SEMA5A: variants seen among roughly 807,000 people sequenced by gnomAD.
The protein encoded by SEMA5A is semaphorin 5A, also known as semaphorin-5A.
A neutral mutation model predicts 135.5 loss-of-function variants in SEMA5A; 55 were observed. That is an observed-to-expected ratio of 0.41 (90% CI 0.33 to 0.51). The LOEUF (loss-of-function observed/expected upper bound fraction) is 0.51, where lower values mean the gene tolerates loss of function less well. Among genes scored for constraint, SEMA5A ranks in the 20% least tolerant of loss-of-function variants. The pLI is 0.37. For missense variants in SEMA5A, 1,290 were observed against 1,419.9 expected, an observed-to-expected ratio of 0.91 and a Z score of 1.47; for synonymous variants, 580 against 546.5, an observed-to-expected ratio of 1.06 and a Z score of -0.85.
At chr5:9,524,873 T>C (rs936397896) in intron 1 of SEMA5A, among the ~76,000 whole-genome samples, 2 of 152,188 alleles carry the variant, frequency 1.3e-5, no homozygotes, top group African/African-American at 4.8e-5. Flanking sequence ...CACAGTCATA[T>C]ACTAACCATA....
chr5:9,182,042 A>G (rs1370452303), intron 11 of SEMA5A, among the ~76,000 whole-genome samples: 1 of 151,680 alleles, frequency 6.6e-6, no homozygotes, highest in African/African-American at 2.4e-5. Context: ...CTCTCCGCAC[A>G]TTGCACGTTT....
chr5:9,408,735 T>A (rs1002617182), intron 2 of SEMA5A, among the ~76,000 whole-genome samples: 1 of 152,148 alleles, frequency 6.6e-6, no homozygotes, highest in Non-Finnish European at 1.5e-5. Flanking sequence ...TTCACAGAAC[T>A]AAAATTTGAA....
intron 1 of SEMA5A, among the ~76,000 whole-genome samples, chr5:9,486,388 C>A (rs1033545752): frequency 6.6e-6 from 1 of 152,128 alleles, no homozygotes; most frequent in Non-Finnish European, 1.5e-5. Context: ...ACATGTATAC[C>A]TATGTAACGA....
At chr5:9,430,841 GT>G (rs1399801268) in intron 2 of SEMA5A, among the ~76,000 whole-genome samples, 1 of 151,108 alleles carries the variant, frequency 6.6e-6, no homozygotes, top group Non-Finnish European at 1.5e-5. Flanking sequence ...AGTTTTTTTT[GT>G]TTTTTGTTTT....
intron 5 of SEMA5A, among the ~76,000 whole-genome samples, chr5:9,258,640 C>T (rs933934229): frequency 3.3e-5 from 5 of 152,064 alleles, no homozygotes; most frequent in Admixed American, 6.6e-5. Context: ...CATTTTTCCT[C>T]ATTGCTTGCT....
intron 16 of SEMA5A, among the ~76,000 whole-genome samples, chr5:9,106,822 T>A (rs1288976037): frequency 1.3e-5 from 2 of 152,216 alleles, no homozygotes; most frequent in Non-Finnish European, 2.9e-5. Context: ...TACAGTTAGT[T>A]CAGGCTGATC....
chr5:9,431,504 G>A (rs1466274379), intron 2 of SEMA5A, among the ~76,000 whole-genome samples: 3 of 152,022 alleles, frequency 2.0e-5, no homozygotes, highest in South Asian at 2.1e-4. Flanking sequence ...TTGTGGCCTC[G>A]GAGGCTCAAA....
chr5:9,227,656 T>G (rs1403042073), intron 6 of SEMA5A, among the ~76,000 whole-genome samples: 1 of 151,024 alleles, frequency 6.6e-6, no homozygotes, highest in African/African-American at 2.4e-5. Flanking sequence ...GTTCATGCCA[T>G]TCTCCTGCCT....
chr5:9,205,547 G>A (rs1016476368), intron 8 of SEMA5A, among the ~76,000 whole-genome samples: 29 of 152,034 alleles, frequency 1.9e-4, no homozygotes, highest in Non-Finnish European at 1.5e-5. Flanking sequence ...ATGGCAGGTA[G>A]ACTGACCCAC....
chr5:9,516,623 T>G (rs1317628364), intron 1 of SEMA5A: 1 of 152,188 alleles, frequency 6.6e-6, no homozygotes, highest in Non-Finnish European at 1.5e-5. Context: ...GGGTTGACCA[T>G]TTACAAGGAG....
intron 16 of SEMA5A, among the ~76,000 whole-genome samples, chr5:9,095,335 G>A (rs527526488): frequency 1.5e-4 from 23 of 152,108 alleles, no homozygotes; most frequent in Middle Eastern, 3.4e-3. Flanking sequence ...ACCATGGCAC[G>A]TGTATACCTA....
rs147011968 is a variant in SEMA5A, at chr5:9,354,053, G to A, written c.125-16241C>T. Among the ~76,000 whole-genome samples, 353 of 151,472 alleles carry A rather than the reference G, an allele frequency of 2.3e-3. 2 individuals are homozygous for A. Among genetic ancestry groups the A allele is most frequent in the African/African-American group, 7.8e-3 (321 of 41,272 alleles). ...TCCAACAGAGGTGGATTTCTGCCAC[G>A]GCCCAGCAACCCCCAGAGAGCTCAG... is the stretch of plus-strand genomic sequence containing the variant. On this transcript the variant is annotated intron_variant, in intron 3 of 22. Transcript: ENST00000382496.
intron 5 of SEMA5A, among the ~76,000 whole-genome samples, chr5:9,314,423 A>G (rs567898513): frequency 1.3e-5 from 2 of 151,594 alleles, no homozygotes; most frequent in South Asian, 4.2e-4. Context: ...CAATGATTCT[A>G]TGCTGAAATT....
In SEMA5A at chr5:9,039,045, A is replaced by C. The variant is rs1735813769; in HGVS notation, c.*3852T>G. On this transcript the variant is annotated 3_prime_UTR_variant, in exon 23 of 23. Transcript: ENST00000382496. Reference sequence around the variant, plus strand: ...CACCCAGCCTTTGTCCATGATTTTGACAGCATGACCTGCTAATTCTACCAG... The same window carrying C: ...CACCCAGCCTTTGTCCATGATTTTGCCAGCATGACCTGCTAATTCTACCAG... The C allele has an allele frequency of 1.3e-5, 2 of 152,248 alleles. No individual in the cohort carries two copies. The highest frequency in any genetic ancestry group is 2.9e-5 in the Non-Finnish European group (2 of 68,128). 9.4% of individuals were successfully genotyped at this position (152,248 alleles called of 1,614,324 possible). A position where few individuals can be genotyped will look rare whatever the true frequency, so the allele number is the denominator to read the frequency against.
intron 17 of SEMA5A, among the ~76,000 whole-genome samples, chr5:9,065,093 T>A (rs1452635002): frequency 6.6e-6 from 1 of 152,248 alleles, no homozygotes; most frequent in African/African-American, 2.4e-5. Flanking sequence ...AAATACTGTA[T>A]GAAAGCAGAC....
rs544254957 is a variant in SEMA5A at position 9,160,002 on chromosome 5, T to TGA, written c.1274-5309_1274-5308dup. On this transcript the variant is annotated intron_variant, in intron 11 of 22. Transcript: ENST00000382496. The stretch of plus-strand genomic sequence containing the variant: ...TCACTCTTAAGTGGGAGTTGAACAT[T>TGA]GAGAACACATGGACACAGAGAGGGG... 3.7e-4 allele frequency among the ~76,000 whole-genome samples: 56 copies of TGA among 151,984 alleles called. No homozygotes were observed. In the South Asian group the frequency reaches 4.2e-3, roughly 11 times the overall value.
intron 8 of SEMA5A, among the ~76,000 whole-genome samples, chr5:9,221,440 C>T (rs886683222): frequency 6.6e-5 from 10 of 150,658 alleles, no homozygotes; most frequent in Admixed American, 2.0e-4. Context: ...GTAGCTGGGA[C>T]TACAGGCGCC....
chr5:9,088,659 T>TATACACACACAC, intron 16 of SEMA5A, among the ~76,000 whole-genome samples: 1 of 112,868 alleles, frequency 8.9e-6, no homozygotes, highest in African/African-American at 4.3e-5. Flanking sequence ...TATATATATA[T>TATACACACACAC]ACACACACAC....
At chr5:9,531,919 C>T (rs903394777) in intron 1 of SEMA5A, among the ~76,000 whole-genome samples, 3 of 152,188 alleles carry the variant, frequency 2.0e-5, no homozygotes, top group African/African-American at 7.2e-5. Flanking sequence ...TCATAAGCCC[C>T]TCTCTAAGAA....
Sources: gnomAD v4.1 joint callset for allele counts (sites outside exome capture counted in the v4.1 genomes callset) on GRCh38, gnomAD v4.1.1 for gene constraint, MANE v1.5 for transcripts, NCBI Gene and HGNC (gene_info 2026-07-23, HGNC 2026-07-21) for gene names.